Variants in SETD2 observed in about 807,000 individuals in gnomAD.
SETD2 encodes SET domain containing 2, histone lysine methyltransferase.
In SETD2, 31 loss-of-function variants were observed where a neutral mutation model predicts 242.1. The ratio of observed to expected loss-of-function variants is 0.13; its 90% CI spans 0.10 to 0.17. The LOEUF (loss-of-function observed/expected upper bound fraction) is 0.17, where lower values mean the gene tolerates loss of function less well. Ranked by LOEUF, SETD2 falls within the 10% of genes least tolerant of loss-of-function variation. The pLI is 1.00. For missense variants in SETD2, 2,481 were observed against 3,046.3 expected, an observed-to-expected ratio of 0.81 and a Z score of 4.37; for synonymous variants, 1,006 against 1,066.5, an observed-to-expected ratio of 0.94 and a Z score of 1.11.
chr3:47,150,091 G>A (rs1263020018), intron 1 of SETD2, among the ~76,000 whole-genome samples: 4 of 137,506 alleles, frequency 2.9e-5, no homozygotes, highest in South Asian at 4.7e-4. Context: ...GTGCAGTGGC[G>A]CAATCTCGGC....
At chr3:47,136,256 T>C (rs2043587324) in intron 1 of SETD2, among the ~76,000 whole-genome samples, 1 of 152,208 alleles carries the variant, frequency 6.6e-6, no homozygotes, top group African/African-American at 2.4e-5. Flanking sequence ...ATCCTCTTTC[T>C]GACCTTACCT....
At chr3:47,043,889 A>T (rs2039396915) in intron 16 of SETD2, among the ~76,000 whole-genome samples, 1 of 152,178 alleles carries the variant, frequency 6.6e-6, no homozygotes. Flanking sequence ...GTTTAAGGCA[A>T]AAAAGAAAAA....
In SETD2 at chr3:47,124,077, G is replaced by A. The variant is rs2106719413; in HGVS notation, c.559C>T (p.Pro187Ser). Reference sequence around the variant, plus strand: ...GGAGGCGGTGGAGGCGGAGATGAGGGCGGTGAGTCTACAGTTGTTGATTCT... The same window carrying A: ...GGAGGCGGTGGAGGCGGAGATGAGGACGGTGAGTCTACAGTTGTTGATTCT... ...IAESTTVDSP[P>S]SSPPPPPPPA... Residue 187 changes from proline to serine, a missense_variant, in exon 3 of 21, where the codon CCC becomes TCC. By Grantham distance (74) the Pro-to-Ser change is moderately conservative. Transcript: ENST00000409792. 1 of 1,551,900 alleles carries A rather than the reference G, an allele frequency of 6.4e-7. No individual in the cohort carries two copies. Among genetic ancestry groups the A allele is most frequent in the Non-Finnish European group, 8.7e-7 (1 of 1,147,030 alleles).
intron 1 of SETD2, chr3:47,127,470 G>C (rs899261918): frequency 2.7e-6 from 1 of 368,350 alleles, no homozygotes; most frequent in African/African-American, 2.1e-5. Context: ...GCCCACACTT[G>C]TAATCCCAAC....
At chr3:47,157,590 G>C in intron 1 of SETD2, 1 of 454,938 alleles carries the variant, frequency 2.2e-6, no homozygotes, top group South Asian at 1.6e-5. Context: ...TAAAAGAACT[G>C]ACCAGGGGCG....
In SETD2 at chr3:47,106,011, G is replaced by A. The variant is rs1488655937; in HGVS notation, c.4825C>T (p.Leu1609=). 6.2e-6 allele frequency: 10 copies of A among 1,613,598 alleles called. No individual in the cohort carries two copies. The highest frequency in any genetic ancestry group is 7.6e-6 in the Non-Finnish European group (9 of 1,179,890). ...NKNIHYYFMA[L]KNDEIIDATQ... ...AAGCTGCTTACCTCATCATTCTTCA[G>A]GGCCATGAAATAGTAATGGATGTTT... Residue 1609 remains leucine (L), a synonymous_variant, in exon 6 of 21, where the codon CTG becomes TTG. Coordinates refer to ENST00000409792, the MANE Select transcript of SETD2 (RefSeq NM_014159.7).
chr3:47,067,309 T>C (rs2040598873), intron 12 of SETD2, among the ~76,000 whole-genome samples, 191 bp from the exon 13 acceptor site: 1 of 151,252 alleles, frequency 6.6e-6, no homozygotes, highest in Non-Finnish European at 1.5e-5. Flanking sequence ...AAAAAATATA[T>C]AGCAGAAATA....
chr3:47,019,899 C>T, intron 18 of SETD2, 59 bp from the exon 19 acceptor site: 1 of 1,390,316 alleles, frequency 7.2e-7, no homozygotes, highest in Non-Finnish European at 1.0e-6. Context: ...TAGTGATGCC[C>T]TACTGTCCCA....
At chr3:47,131,820 C>T (rs1424922499) in intron 1 of SETD2, among the ~76,000 whole-genome samples, 3 of 151,048 alleles carry the variant, frequency 2.0e-5, no homozygotes, top group Non-Finnish European at 4.4e-5. Context: ...CTCTGTCACC[C>T]AGGCTGCAGT....
intron 1 of SETD2, among the ~76,000 whole-genome samples, chr3:47,150,667 A>T (rs1177714084): frequency 6.6e-6 from 1 of 152,072 alleles, no homozygotes; most frequent in African/African-American, 2.4e-5. Flanking sequence ...CCTCTGTCCT[A>T]ATCTTATAGT....
intron 12 of SETD2, among the ~76,000 whole-genome samples, chr3:47,076,060 T>A (rs1017668007): frequency 3.9e-5 from 6 of 152,190 alleles, no homozygotes; most frequent in Non-Finnish European, 1.5e-5. Context: ...TCACTCAATG[T>A]ACCACTATAA....
intron 1 of SETD2, among the ~76,000 whole-genome samples, chr3:47,145,871 C>G (rs575898180): frequency 2.4e-4 from 36 of 151,910 alleles, no homozygotes; most frequent in Middle Eastern, 3.4e-3. Flanking sequence ...AAAAAATTAG[C>G]TGGGTATAGT....
chr3:47,078,649 T>C (rs760981418), intron 12 of SETD2, among the ~76,000 whole-genome samples: 8 of 149,354 alleles, frequency 5.4e-5, no homozygotes, highest in Admixed American at 1.3e-4. Context: ...GTAAGTACAC[T>C]AAAGTTACAC....
intron 8 of SETD2, among the ~76,000 whole-genome samples, chr3:47,099,576 G>C (rs991948484): frequency 1.3e-5 from 2 of 152,146 alleles, no homozygotes; most frequent in African/African-American, 4.8e-5. Context: ...ACTAAGTGTT[G>C]CAAAATGGTG....
intron 1 of SETD2, among the ~76,000 whole-genome samples, chr3:47,133,052 G>A (rs951037866): frequency 3.3e-5 from 5 of 152,068 alleles, no homozygotes; most frequent in Admixed American, 2.6e-4. Flanking sequence ...GGATATAGGA[G>A]TAAAGAGGCA....
intron 16 of SETD2, among the ~76,000 whole-genome samples, chr3:47,046,122 G>C (rs1365223942): frequency 6.6e-6 from 1 of 151,526 alleles, no homozygotes; most frequent in Non-Finnish European, 1.5e-5. Flanking sequence ...TGGATCACCT[G>C]AGGTCATGAG....
intron 14 of SETD2, among the ~76,000 whole-genome samples, chr3:47,058,918 C>T (rs1223732760): frequency 1.3e-5 from 2 of 151,858 alleles, no homozygotes; most frequent in Non-Finnish European, 2.9e-5. Context: ...CCTCAGCCTC[C>T]AGAGTAGCTG....
chr3:47,107,720 C>CGGCGGGGGGCGGGGGG (rs1177164556), intron 5 of SETD2, among the ~76,000 whole-genome samples: 5 of 129,766 alleles, frequency 3.9e-5, no homozygotes, highest in African/African-American at 1.1e-4. Flanking sequence ...CTTTGGGTGG[C>CGGCGGGGGGCGGGGGG]GGGGGGGGGT....
intron 1 of SETD2, among the ~76,000 whole-genome samples, chr3:47,157,203 C>T (rs2044145159): frequency 6.6e-6 from 1 of 151,960 alleles, no homozygotes; most frequent in African/African-American, 2.4e-5. Flanking sequence ...GTTGAGGCTA[C>T]AGTGAGCCAT....
Sources: gnomAD v4.1 joint callset for allele counts (sites outside exome capture counted in the v4.1 genomes callset) on GRCh38, gnomAD v4.1.1 for gene constraint, MANE v1.5 for transcripts, NCBI Gene and HGNC (gene_info 2026-07-23, HGNC 2026-07-21) for gene names.